Variants in CELF5 observed in about 807,000 individuals in gnomAD.
CELF5 encodes CUGBP Elav-like family member 5.
A neutral mutation model predicts 54.9 loss-of-function variants in CELF5; 6 were observed. The ratio of observed to expected loss-of-function variants is 0.11; its 90% CI spans 0.06 to 0.22. The LOEUF (loss-of-function observed/expected upper bound fraction) is 0.22. Ranked by LOEUF, CELF5 falls within the 10% of genes least tolerant of loss-of-function variation. CELF5 has a pLI of 1.00. For synonymous variants in CELF5, 271 were observed against 290.9 expected (o/e 0.93, Z 0.70); for missense variants, 401 against 678.6 (o/e 0.59, Z 4.54).
intron 1 of CELF5, among the ~76,000 whole-genome samples, chr19:3,227,257 T>C (rs923641679): frequency 6.6e-6 from 1 of 152,158 alleles, no homozygotes; most frequent in African/African-American, 2.4e-5. Flanking sequence ...CGTTTGGGGC[T>C]CAGCTGTGTG....
At chr19:3,286,084 C>T (rs552904514) in intron 10 of CELF5, 59 bp downstream of exon 10, 28 of 1,387,970 alleles carry the variant, frequency 2.0e-5, no homozygotes, top group Non-Finnish European at 2.7e-5. Context: ...CCCTGTCCAC[C>T]TGCAGGCTCC....
chr19:3,282,420 T>A lies in CELF5; in HGVS notation c.961T>A (p.Phe321Ile). Reference sequence around the variant, plus strand: ...CCTCGTGGCTCCCATCACCAATGGCTTTGCAGGTGTCGTGCCCTTTCCAGG... The same window carrying A: ...CCTCGTGGCTCCCATCACCAATGGCATTGCAGGTGTCGTGCCCTTTCCAGG... ...PGLVAPITNG[F>I]AGVVPFPGGH... Residue 321 changes from phenylalanine to isoleucine, a missense_variant, in exon 8 of 13, where the codon TTT (phenylalanine) becomes ATT (isoleucine). By Grantham distance (21) the Phe-to-Ile change is conservative. Transcript: ENST00000292672. This position sits in a 1 kb window ranked among gnomAD's most constrained non-coding sequence, Gnocchi z 5.2. 6.2e-7 allele frequency: 1 copy of A among 1,613,336 alleles called. No individual in the cohort carries two copies. Among genetic ancestry groups the A allele is most frequent in the Non-Finnish European group, 8.5e-7 (1 of 1,180,024 alleles).
At chr19:3,254,445 G>GCATC (rs896189987) in intron 2 of CELF5, among the ~76,000 whole-genome samples, 16 of 143,616 alleles carry the variant, frequency 1.1e-4, no homozygotes, top group Non-Finnish European at 3.1e-5. Flanking sequence ...ATCCATCTAC[G>GCATC]CATCCATCCA....
intron 9 of CELF5, 57 bp from the exon 10 acceptor site, chr19:3,285,885 G>T: frequency 2.3e-6 from 3 of 1,329,132 alleles, no homozygotes; most frequent in Non-Finnish European, 3.0e-6. Context: ...AGCGGCCCAG[G>T]CCGCCCACGT....
At chr19:3,251,172 CG>C in intron 2 of CELF5, 105 bp downstream of exon 2, 2 of 823,324 alleles carry the variant, frequency 2.4e-6, no homozygotes, top group South Asian at 1.5e-5. Flanking sequence ...CTGTGTGTCT[CG>C]GGACTCAGAA....
In CELF5 at chr19:3,282,886, A is replaced by G. The variant is rs1436376496; in HGVS notation, c.1039+388A>G. Among the ~76,000 whole-genome samples, 1 of 152,220 alleles carries G rather than the reference A, an allele frequency of 6.6e-6. No individual in the cohort carries two copies. The highest frequency in any genetic ancestry group is 1.9e-4 in the East Asian group (1 of 5,208). On this transcript the variant is annotated intron_variant, in intron 8 of 12. Coordinates refer to ENST00000292672, the MANE Select transcript of CELF5 (RefSeq NM_021938.4). This position sits in a 1 kb window ranked among gnomAD's most constrained non-coding sequence, Gnocchi z 5.2. Reference sequence around the variant, plus strand: ...CACTCTGTCGCCCAGGCTGCATTGCAGTGGCACAATCTTGGCTGACTGTAA... The same window carrying G: ...CACTCTGTCGCCCAGGCTGCATTGCGGTGGCACAATCTTGGCTGACTGTAA...
At chr19:3,273,285 C>T (rs1016518158) in intron 2 of CELF5, among the ~76,000 whole-genome samples, 2 of 151,974 alleles carry the variant, frequency 1.3e-5, no homozygotes, top group African/African-American at 4.8e-5. Context: ...CTTGACTGGG[C>T]TTAGCTGGGT....
intron 1 of CELF5, among the ~76,000 whole-genome samples, chr19:3,229,337 C>G (rs987990405): frequency 3.3e-5 from 5 of 152,162 alleles, no homozygotes; most frequent in Admixed American, 1.3e-4. Context: ...CCCTACCCCC[C>G]ATCCAGACCT....
intron 2 of CELF5, among the ~76,000 whole-genome samples, chr19:3,258,248 A>G (rs1312375830): frequency 1.3e-5 from 2 of 151,180 alleles, no homozygotes; most frequent in Admixed American, 6.6e-5. Context: ...ATGAGCCACC[A>G]CGCCCAGCCC....
intron 2 of CELF5, among the ~76,000 whole-genome samples, chr19:3,272,367 C>CAA (rs762161052): frequency 6.9e-6 from 1 of 145,168 alleles, no homozygotes; most frequent in African/African-American, 2.5e-5. Context: ...GAGTCCGTCC[C>CAA]AAGAAAAAAA....
chr19:3,294,246 C>T (rs963891171), intron 12 of CELF5: 9 of 152,118 alleles, frequency 5.9e-5, no homozygotes, highest in African/African-American at 2.2e-4. Flanking sequence ...GAAACTTAAC[C>T]GTGGGTCTCA....
intron 2 of CELF5, among the ~76,000 whole-genome samples, chr19:3,256,160 C>G (rs1266265664): frequency 6.6e-6 from 1 of 152,066 alleles, no homozygotes; most frequent in East Asian, 1.9e-4. Context: ...AAAAATTTCT[C>G]ACTCCCCAGA....
intron 1 of CELF5, among the ~76,000 whole-genome samples, chr19:3,226,614 C>T (rs1916933530): frequency 6.6e-6 from 1 of 152,130 alleles, no homozygotes; most frequent in Non-Finnish European, 1.5e-5. Flanking sequence ...CCTGGGTACA[C>T]CCAAAGCACC....
chr19:3,250,963 C>T (rs767070583), intron 1 of CELF5, 22 bp from the exon 2 acceptor site: 2 of 1,598,396 alleles, frequency 1.3e-6, no homozygotes, highest in Non-Finnish European at 1.7e-6. Context: ...TCTCTTAACA[C>T]CCCCGTTTCT....
intron 12 of CELF5, chr19:3,293,744 T>G: frequency 3.0e-6 from 1 of 333,008 alleles, no homozygotes; most frequent in Non-Finnish European, 5.7e-6. Context: ...GGTTAGGGAA[T>G]CCTTCCCGGA....
At chr19:3,265,477 T>C (rs552809427) in intron 2 of CELF5, among the ~76,000 whole-genome samples, 3 of 152,326 alleles carry the variant, frequency 2.0e-5, no homozygotes, top group African/African-American at 4.8e-5. Flanking sequence ...TCAGAGGCAG[T>C]TCTGCAGGTA....
chr19:3,260,889 TG>T (rs2079799676), intron 2 of CELF5, among the ~76,000 whole-genome samples: 1 of 151,938 alleles, frequency 6.6e-6, no homozygotes, highest in Non-Finnish European at 1.5e-5. Flanking sequence ...CCCAAAGTGC[TG>T]GGATTACAGG....
intron 2 of CELF5, among the ~76,000 whole-genome samples, chr19:3,256,230 G>C (rs1162659595): frequency 6.6e-6 from 1 of 151,974 alleles, no homozygotes; most frequent in Non-Finnish European, 1.5e-5. Context: ...TGCCTCTCCC[G>C]CCTGGAGAAT....
Position 3,284,995 on chromosome 19 carries a change from C to T in CELF5, c.1102+31C>T, listed in dbSNP as rs745691079. On this transcript the variant is annotated intron_variant, in intron 9 of 12. Coordinates refer to ENST00000292672, the MANE Select transcript of CELF5 (RefSeq NM_021938.4). ...AGGCAGCCCGCGTGCCCGCGCTGGG[C>T]CCTGGCCCCGCCCCCGCCTAGGGCC... 35 of 1,566,108 alleles carry T rather than the reference C, an allele frequency of 2.2e-5. 1 individual carries two copies. The South Asian group carries it at 3.9e-4, about 17-fold the overall frequency.
Sources: allele counts gnomAD v4.1 joint callset (sites outside exome capture counted in the v4.1 genomes callset), GRCh38; gene constraint gnomAD v4.1.1; non-coding constraint Gnocchi (gnomAD v3.1); transcripts MANE v1.5; gene names NCBI Gene and HGNC (gene_info 2026-07-23, HGNC 2026-07-21).